Variants in TMEM116 observed in about 807,000 individuals in gnomAD.
TMEM116 encodes the protein transmembrane protein 116.
A neutral mutation model predicts 44.3 loss-of-function variants in TMEM116; 38 were observed. That is an observed-to-expected ratio of 0.86 (90% CI 0.66 to 1.12). TMEM116 has a LOEUF of 1.12. TMEM116 is among the 50% of genes most tolerant of loss of function. The probability of loss-of-function intolerance (pLI) is 0.00; values close to 1 mark genes in which losing one functional copy is unlikely to be tolerated. For missense variants in TMEM116, 354 were observed against 401.7 expected, an observed-to-expected ratio of 0.88 and a Z score of 1.01; for synonymous variants, 132 against 144.8, an observed-to-expected ratio of 0.91 and a Z score of 0.64.
chr12:111,993,475 G>C, intron 3 of TMEM116: 1 of 551,380 alleles, frequency 1.8e-6, no homozygotes, highest in South Asian at 1.5e-5. Context: ...GCACATCACT[G>C]TATTTGGCTG....
chr12:111,976,747 G>T (rs79036744), intron 4 of TMEM116, among the ~76,000 whole-genome samples: 2,328 of 152,148 alleles, frequency 0.015, 68 homozygotes, highest in African/African-American at 0.053. Flanking sequence ...TGTAAGAACA[G>T]ATAGTTAATG....
chr12:111,961,153 A>G (rs1368546763), intron 4 of TMEM116, among the ~76,000 whole-genome samples: 1 of 152,236 alleles, frequency 6.6e-6, no homozygotes, highest in Non-Finnish European at 1.5e-5. Context: ...ATAGACCAAT[A>G]ACAAGTTCTG....
chr12:111,947,109 G>A (rs962513728), intron 4 of TMEM116, among the ~76,000 whole-genome samples: 1 of 150,922 alleles, frequency 6.6e-6, no homozygotes, highest in Non-Finnish European at 1.5e-5. Flanking sequence ...TGTTATATTG[G>A]GTTTTTAATT....
intron 4 of TMEM116, among the ~76,000 whole-genome samples, chr12:111,964,659 G>A (rs1022074157): frequency 6.6e-6 from 1 of 152,100 alleles, no homozygotes; most frequent in Non-Finnish European, 1.5e-5. Context: ...ATTCCAAAGT[G>A]TGGCAACAGT....
At chr12:111,972,708 G>A (rs866791352) in intron 4 of TMEM116, among the ~76,000 whole-genome samples, 24 of 151,620 alleles carry the variant, frequency 1.6e-4, no homozygotes, top group African/African-American at 4.6e-4. Flanking sequence ...GTGAAACCCC[G>A]TCTCTACTAA....
intron 4 of TMEM116, among the ~76,000 whole-genome samples, chr12:111,950,052 T>G (rs1593339314): frequency 6.6e-6 from 1 of 151,308 alleles, no homozygotes. Context: ...AAGGCAGAGG[T>G]TTCAGTGAGC....
Position 111,938,172 on chromosome 12 carries a change from A to C in TMEM116, c.354T>G (p.Phe118Leu). The C allele has an allele frequency of 6.3e-7, 1 of 1,598,640 alleles. No homozygotes were observed. Among genetic ancestry groups the C allele is most frequent in the Non-Finnish European group, 8.5e-7 (1 of 1,173,422 alleles). The change falls in exon 6 of 11, where the codon TTT (phenylalanine) becomes TTG (leucine). Residue 118 changes from phenylalanine to leucine, a missense_variant. Coordinates refer to ENST00000552374, the MANE Select transcript of TMEM116 (RefSeq NM_001193531.2). Reference sequence around the variant, plus strand: ...AGAAAAAATTTTACCTTGAGAAAACAAAGGCCATTTGACAAACTCGACAAG... The same window carrying C: ...AGAAAAAATTTTACCTTGAGAAAACCAAGGCCATTTGACAAACTCGACAAG... ...DYTCRVCQMA[F>L]VFSSLIPLLL...
chr12:111,981,597 A>G (rs1300462633), intron 4 of TMEM116, among the ~76,000 whole-genome samples: 5 of 152,204 alleles, frequency 3.3e-5, no homozygotes, highest in Admixed American at 2.6e-4. Flanking sequence ...AGCATATGTC[A>G]AAAGTACTTA....
At chr12:111,946,896 A>C (rs2073328406) in intron 4 of TMEM116, among the ~76,000 whole-genome samples, 1 of 152,184 alleles carries the variant, frequency 6.6e-6, no homozygotes, top group South Asian at 2.1e-4. Context: ...ACACGTCTGC[A>C]ATTCAAAAAA....
chr12:111,991,758 C>T lies in TMEM116; in HGVS notation c.210G>A (p.Gln70=). Residue 70 remains glutamine (Q), a splice_region_variant and synonymous_variant, in exon 4 of 11, where the codon CAG becomes CAA. Transcript: ENST00000552374. ...IICYNLQAVG[Q]IFYISSFLYT... is the part of the protein sequence containing the mutation. ...GCAGTGACAGTCTTGTAGCACTCAC[C>T]TGTCCAACTGCTTGTAGGTTATAGC... is the stretch of plus-strand genomic sequence containing the variant. The T allele has an allele frequency of 6.5e-7, 1 of 1,534,488 alleles. No homozygotes were observed. Among genetic ancestry groups the T allele is most frequent in the Middle Eastern group, 1.7e-4 (1 of 5,986 alleles).
At chr12:111,972,833 T>C (rs1764347407) in intron 4 of TMEM116, among the ~76,000 whole-genome samples, 1 of 150,130 alleles carries the variant, frequency 6.7e-6, no homozygotes, top group South Asian at 2.1e-4. Flanking sequence ...CTGAGATCGC[T>C]CCATTGCACT....
chr12:111,958,000 G>A (rs1387956763), intron 4 of TMEM116, among the ~76,000 whole-genome samples: 1 of 152,142 alleles, frequency 6.6e-6, no homozygotes, highest in Non-Finnish European at 1.5e-5. Flanking sequence ...TCTGAAACAT[G>A]TGCTGTGTCC....
chr12:112,005,439 T>C, intron 1 of TMEM116, 136 bp from the exon 2 acceptor site: 5 of 642,646 alleles, frequency 7.8e-6, no homozygotes, highest in East Asian at 3.5e-5. Context: ...AGCCTGAGAA[T>C]GAGTTAAAAG....
At chr12:111,952,456 A>G (rs74391151) in intron 4 of TMEM116, among the ~76,000 whole-genome samples, 2,347 of 152,354 alleles carry the variant, frequency 0.015, 72 homozygotes, top group African/African-American at 0.053. Flanking sequence ...AGCAGGCCAC[A>G]TAAATACAAG....
In TMEM116 at chr12:111,936,681, T is replaced by A; in HGVS notation, c.588+11A>T. 1 of 1,611,996 alleles carries A rather than the reference T, an allele frequency of 6.2e-7. No homozygotes were observed. Among genetic ancestry groups the A allele is most frequent in the South Asian group, 1.1e-5 (1 of 90,720 alleles). On this transcript the variant is annotated intron_variant, in intron 8 of 10. Coordinates refer to ENST00000552374, the MANE Select transcript of TMEM116 (RefSeq NM_001193531.2). ...CATCTCTCCACAAAGGAAGGTAGGG[T>A]GGTACCATACCATAATGGTAAGGAG...
intron 4 of TMEM116, among the ~76,000 whole-genome samples, chr12:111,970,328 CAT>C (rs1188795435): frequency 6.7e-6 from 1 of 149,338 alleles, no homozygotes; most frequent in African/African-American, 2.5e-5. Context: ...AAATGGAAAA[CAT>C]GGGGGAAAAA....
At position 111,955,255 on chromosome 12, in the gene TMEM116, A is replaced by G. The variant is rs538572401; in HGVS notation, c.211-11886T>C. 1.4e-4 allele frequency among the ~76,000 whole-genome samples: 21 copies of G among 152,266 alleles called. 1 individual carries two copies. Among genetic ancestry groups the G allele is most frequent in the African/African-American group, 4.8e-4 (20 of 41,548 alleles). ...CCTCCTTGGTGTCTGTGGGTGGCCCAGTCCCGTAGCCCACTCTTTCACTAG... is the reference window on the plus strand; with the variant it reads ...CCTCCTTGGTGTCTGTGGGTGGCCCGGTCCCGTAGCCCACTCTTTCACTAG... On this transcript the variant is annotated intron_variant, in intron 4 of 10. Transcript: ENST00000552374.
At chr12:111,934,965 T>C (rs2072012643) in intron 8 of TMEM116, 1 of 152,222 alleles carries the variant, frequency 6.6e-6, no homozygotes, top group Non-Finnish European at 1.5e-5. Context: ...AGATCTACTC[T>C]CTAAATTAAT....
At chr12:111,943,216 A>C in intron 5 of TMEM116, 49 bp downstream of exon 5, 1 of 1,466,110 alleles carries the variant, frequency 6.8e-7, no homozygotes, top group Non-Finnish European at 9.6e-7. Flanking sequence ...GAGTCACCAC[A>C]CCCGGCCTAG....
Sources: gnomAD v4.1 joint callset for allele counts (sites outside exome capture counted in the v4.1 genomes callset) on GRCh38, gnomAD v4.1.1 for gene constraint, MANE v1.5 for transcripts, NCBI Gene and HGNC (gene_info 2026-07-23, HGNC 2026-07-21) for gene names.